The following ABLIM1 variants were observed in gnomAD, a reference collection of about 807,000 sequenced individuals.
ABLIM1 encodes actin-binding LIM protein 1.
Under a neutral mutation model 107.0 loss-of-function variants are expected in ABLIM1, and 40 were observed. The observed-to-expected ratio is 0.37, with a 90% CI of 0.29 to 0.49. ABLIM1 has a LOEUF of 0.49. Among genes scored for constraint, ABLIM1 ranks in the 20% least tolerant of loss-of-function variants. ABLIM1 has a pLI of 0.97. For missense variants in ABLIM1, 857 were observed against 1,008.5 expected (o/e 0.85, Z 2.04); for synonymous variants, 357 against 357.3 (o/e 1.00, Z 0.01).
At position 114,453,312 on chromosome 10, in the gene ABLIM1, A is replaced by G. The variant is rs1273037846; in HGVS notation, c.1546+67T>C. 8.2e-5 allele frequency: 123 copies of G among 1,500,600 alleles called. 1 individual carries two copies. The highest frequency in any genetic ancestry group is 7.4e-5 in the Non-Finnish European group (80 of 1,077,704). 93.0% of individuals were successfully genotyped at this position (1,500,600 alleles called of 1,614,324 possible). A position where few individuals can be genotyped will look rare whatever the true frequency, so the allele number is the denominator to read the frequency against. ...AAAAGAGCATGAGAGATGAGACAAGACGAGGTTACAAGGCTACATTCTACA... is the reference window on the plus strand; with the variant it reads ...AAAAGAGCATGAGAGATGAGACAAGGCGAGGTTACAAGGCTACATTCTACA... On this transcript the variant is annotated intron_variant, in intron 13 of 22. Transcript: ENST00000533213.
chr10:114,573,680 T>C (rs2072041245), intron 3 of ABLIM1, among the ~76,000 whole-genome samples: 1 of 152,158 alleles, frequency 6.6e-6, no homozygotes, highest in Non-Finnish European at 1.5e-5. Flanking sequence ...GAGACTCCCA[T>C]CTCTAGTCCA....
chr10:114,796,861 AGTT>A, the ABLIM1 span, among the ~76,000 whole-genome samples: 5 of 152,224 alleles, frequency 3.3e-5, no homozygotes, highest in Non-Finnish European at 7.3e-5. Flanking sequence ...GCCATGGGAC[AGTT>A]GTTCTCCTCA....
intron 1 of ABLIM1, among the ~76,000 whole-genome samples, chr10:114,676,074 C>T (rs772009203): frequency 5.3e-5 from 8 of 152,196 alleles, no homozygotes; most frequent in Non-Finnish European, 7.3e-5. Flanking sequence ...CTTCAGCGTC[C>T]TTTGTGAGGA....
intron 1 of ABLIM1, among the ~76,000 whole-genome samples, chr10:114,625,842 T>C (rs2077756796): frequency 6.6e-6 from 1 of 152,210 alleles, no homozygotes; most frequent in Non-Finnish European, 1.5e-5. Context: ...TGACCTCCTG[T>C]GAGTCTCCTT....
At chr10:114,536,747 A>T (rs570131553) in intron 6 of ABLIM1, among the ~76,000 whole-genome samples, 1 of 152,314 alleles carries the variant, frequency 6.6e-6, no homozygotes, top group African/African-American at 2.4e-5. Context: ...CAGTGTCTCA[A>T]TACTGACCCT....
At chr10:114,755,880 A>T (rs1566308064) in intron 1 of ABLIM1, among the ~76,000 whole-genome samples, 1 of 152,146 alleles carries the variant, frequency 6.6e-6, no homozygotes, top group Non-Finnish European at 1.5e-5. Context: ...GCATAGTTAG[A>T]TGTATCTACT....
upstream of ABLIM1, among the ~76,000 whole-genome samples, chr10:114,658,910 A>G (rs942339688): frequency 6.6e-6 from 1 of 152,216 alleles, no homozygotes; most frequent in Non-Finnish European, 1.5e-5. Context: ...AGGTAGCTTC[A>G]GCTTTACACA....
At chr10:114,674,162 C>T (rs562287447) in intron 1 of ABLIM1, among the ~76,000 whole-genome samples, 4 of 151,754 alleles carry the variant, frequency 2.6e-5, no homozygotes, top group Admixed American at 6.6e-5. Context: ...TGGTGGCATG[C>T]GCCTGTAGTC....
chr10:114,721,437 CT>C (rs2081845201), intron 1 of ABLIM1, among the ~76,000 whole-genome samples: 1 of 152,120 alleles, frequency 6.6e-6, no homozygotes, highest in African/African-American at 2.4e-5. Context: ...GAGGGGCATC[CT>C]TGGTGAATGG....
At chr10:114,713,458 C>A (rs1413300857) in intron 1 of ABLIM1, among the ~76,000 whole-genome samples, 1 of 152,104 alleles carries the variant, frequency 6.6e-6, no homozygotes, top group Non-Finnish European at 1.5e-5. Flanking sequence ...GAAATCAAAA[C>A]CAAGTGCAAG....
At chr10:114,445,464 C>T (rs1319982090) in intron 15 of ABLIM1, 61 bp from the exon 16 acceptor site, 2 of 1,388,398 alleles carry the variant, frequency 1.4e-6, no homozygotes, top group African/African-American at 2.8e-5. Context: ...TCTTAACGGG[C>T]TAGTCCATCT....
chr10:114,611,056 G>A (rs2076774675), intron 1 of ABLIM1, among the ~76,000 whole-genome samples: 1 of 151,982 alleles, frequency 6.6e-6, no homozygotes, highest in Non-Finnish European at 1.5e-5. Flanking sequence ...AGGAGGCTGG[G>A]GCAGAAGAAC....
chr10:114,599,074 A>G (rs978012275), intron 2 of ABLIM1, among the ~76,000 whole-genome samples: 2 of 152,376 alleles, frequency 1.3e-5, no homozygotes, highest in African/African-American at 4.8e-5. Flanking sequence ...GATATTAAAG[A>G]AAAGTGTGAT....
chr10:114,671,027 CAGATCA>C (rs1291664698), intron 1 of ABLIM1, among the ~76,000 whole-genome samples: 5 of 152,216 alleles, frequency 3.3e-5, no homozygotes, highest in African/African-American at 1.2e-4. Context: ...CTTCCCAAGT[CAGATCA>C]AGATCTAGAA....
intron 2 of ABLIM1, among the ~76,000 whole-genome samples, chr10:114,587,516 A>G (rs968630366): frequency 2.0e-5 from 3 of 152,138 alleles, no homozygotes; most frequent in Non-Finnish European, 4.4e-5. Context: ...ATATAAAACT[A>G]CTTCCATTTT....
chr10:114,733,308 C>A (rs1301886475), intron 1 of ABLIM1, among the ~76,000 whole-genome samples: 1 of 152,034 alleles, frequency 6.6e-6, no homozygotes, highest in Admixed American at 6.6e-5. Context: ...ATTCTGAATC[C>A]TTTGAATTTT....
chr10:114,737,453 C>G (rs2082203153), intron 1 of ABLIM1, among the ~76,000 whole-genome samples: 1 of 152,184 alleles, frequency 6.6e-6, no homozygotes, highest in Non-Finnish European at 1.5e-5. Context: ...TCCTCGGTTT[C>G]AACACAATGG....
At chr10:114,602,638 A>T (rs2076107059) in intron 1 of ABLIM1, among the ~76,000 whole-genome samples, 1 of 152,218 alleles carries the variant, frequency 6.6e-6, no homozygotes. Context: ...GTAAATTTTT[A>T]AAAATAAACT....
At chr10:114,565,877 C>T (rs1169470301) in intron 4 of ABLIM1, among the ~76,000 whole-genome samples, 1 of 137,186 alleles carries the variant, frequency 7.3e-6, no homozygotes, top group Non-Finnish European at 1.5e-5. Context: ...TCACTGCAAG[C>T]TCCGCCTCCT....
Sources: allele counts gnomAD v4.1 joint callset (sites outside exome capture counted in the v4.1 genomes callset), GRCh38; gene constraint gnomAD v4.1.1; transcripts MANE v1.5; gene names NCBI Gene and HGNC (gene_info 2026-07-23, HGNC 2026-07-21).